NYAP2: variants seen among roughly 807,000 people sequenced by gnomAD.
NYAP2 encodes neuronal tyrosine-phosphorylated phosphoinositide-3-kinase adapter 2.
Under a neutral mutation model 50.4 loss-of-function variants are expected in NYAP2, and 23 were observed. The observed-to-expected ratio is 0.46, with a 90% CI of 0.33 to 0.65. The LOEUF is 0.65. Among genes scored for constraint, NYAP2 ranks in the 30% least tolerant of loss-of-function variants. The pLI, the probability that NYAP2 is intolerant of heterozygous loss-of-function variation, is 0.02. For synonymous variants in NYAP2, 394 were observed against 365.2 expected, an observed-to-expected ratio of 1.08 and a Z score of -0.90; for missense variants, 885 against 861.0, an observed-to-expected ratio of 1.03 and a Z score of -0.35.
At chr2:225,442,732 C>T (rs559489709) in intron 3 of NYAP2, among the ~76,000 whole-genome samples, 4 of 152,166 alleles carry the variant, frequency 2.6e-5, no homozygotes, top group African/African-American at 7.2e-5. Context: ...CACACCACCA[C>T]GCCCAGCTAA....
intron 4 of NYAP2, among the ~76,000 whole-genome samples, chr2:225,533,892 G>T (rs1574662980): frequency 6.6e-6 from 1 of 151,950 alleles, no homozygotes; most frequent in African/African-American, 2.4e-5. Flanking sequence ...ATAAACATTT[G>T]CTATCAGATA....
At chr2:225,407,074 G>A (rs79983485) in intron 2 of NYAP2, among the ~76,000 whole-genome samples, 11 of 151,894 alleles carry the variant, frequency 7.2e-5, no homozygotes, top group Non-Finnish European at 1.0e-4. Context: ...TGCTTAACTT[G>A]GGTAGAATTA....
intron 6 of NYAP2, among the ~76,000 whole-genome samples, chr2:225,634,946 G>T (rs1417598103): frequency 6.6e-6 from 1 of 152,324 alleles, no homozygotes; most frequent in Admixed American, 6.5e-5. Context: ...GAACTCAAAA[G>T]CACAGTCTTT....
intron 4 of NYAP2, among the ~76,000 whole-genome samples, chr2:225,521,592 A>G (rs1378119087): frequency 3.3e-5 from 5 of 151,944 alleles, no homozygotes; most frequent in African/African-American, 7.3e-5. Context: ...ATTTGCGTAT[A>G]TTGAACCAGC....
At chr2:225,643,553 C>T (rs1378755059) in intron 6 of NYAP2, among the ~76,000 whole-genome samples, 2 of 151,894 alleles carry the variant, frequency 1.3e-5, no homozygotes, top group East Asian at 3.9e-4. Context: ...ACTAACTTGT[C>T]ATCTAGCATT....
At chr2:225,624,171 C>T (rs545024410) in intron 5 of NYAP2, among the ~76,000 whole-genome samples, 1 of 152,184 alleles carries the variant, frequency 6.6e-6, no homozygotes, top group African/African-American at 2.4e-5. Flanking sequence ...GGGCAGAGAT[C>T]TCTGAGCCTT....
intron 4 of NYAP2, among the ~76,000 whole-genome samples, chr2:225,557,451 T>G (rs2106213590): frequency 6.6e-6 from 1 of 152,272 alleles, no homozygotes; most frequent in Admixed American, 6.5e-5. Context: ...TGTATGTATG[T>G]TTTTCCAGGA....
At chr2:225,470,581 C>T (rs1689997187) in intron 3 of NYAP2, among the ~76,000 whole-genome samples, 2 of 152,098 alleles carry the variant, frequency 1.3e-5, no homozygotes, top group South Asian at 2.1e-4. Context: ...ATAAAAACAT[C>T]ATAGGGGGAA....
chr2:225,535,796 A>G (rs551886009), intron 4 of NYAP2, among the ~76,000 whole-genome samples: 2 of 152,318 alleles, frequency 1.3e-5, no homozygotes, highest in South Asian at 4.1e-4. Context: ...ACAGTTGGTA[A>G]ATAGTGAGAA....
At chr2:225,502,842 A>G (rs964997510) in intron 3 of NYAP2, among the ~76,000 whole-genome samples, 1 of 152,224 alleles carries the variant, frequency 6.6e-6, no homozygotes, top group African/African-American at 2.4e-5. Flanking sequence ...ATAGGGGTTC[A>G]AGAGCCAGTG....
intron 3 of NYAP2, among the ~76,000 whole-genome samples, chr2:225,440,244 T>C (rs1162123126): frequency 6.6e-6 from 1 of 152,224 alleles, no homozygotes; most frequent in East Asian, 1.9e-4. Flanking sequence ...AGATGCTAAT[T>C]CCACCTTCAG....
chr2:225,437,613 C>T (rs906359880), intron 3 of NYAP2, among the ~76,000 whole-genome samples: 5 of 152,192 alleles, frequency 3.3e-5, no homozygotes, highest in African/African-American at 1.2e-4. Context: ...GGGCACCTCT[C>T]CACCACCATG....
chr2:225,432,144 ATTTTTT>A (rs751205603), intron 3 of NYAP2, among the ~76,000 whole-genome samples: 3 of 119,522 alleles, frequency 2.5e-5, no homozygotes, highest in African/African-American at 9.9e-5. Context: ...CGCCCGCCTA[ATTTTTT>A]TTTTTTTTTT....
chr2:225,696,236 A>G, the NYAP2 span, among the ~76,000 whole-genome samples: 2 of 151,956 alleles, frequency 1.3e-5, no homozygotes, highest in Non-Finnish European at 2.9e-5. Context: ...AGTTTCTTAA[A>G]CTTTCTGAGA....
chr2:225,398,799 A>G (rs778236122), upstream of NYAP2, among the ~76,000 whole-genome samples: 1 of 152,090 alleles, frequency 6.6e-6, no homozygotes, highest in Admixed American at 6.6e-5. Flanking sequence ...AAAGCTAGAT[A>G]CACAAAGACC....
rs145986137 is a variant in NYAP2 at position 225,537,469 on chromosome 2, T to C, written c.523+23797T>C. The stretch of plus-strand genomic sequence containing the variant: ...CAGAAGGTGAAAGGCATGTCTCACT[T>C]GGTGGCAGATAAGACAAGAGAGTTT... On this transcript the variant is annotated intron_variant, in intron 4 of 6. Transcript: ENST00000636099. Among the ~76,000 whole-genome samples, 285 of 152,306 alleles carry C rather than the reference T, an allele frequency of 1.9e-3. 2 individuals are homozygous for C. Among genetic ancestry groups the C allele is most frequent in the Admixed American group, 3.3e-3 (50 of 15,294 alleles).
the NYAP2 span, among the ~76,000 whole-genome samples, chr2:225,679,917 C>T: frequency 3.3e-5 from 5 of 152,010 alleles, no homozygotes; most frequent in African/African-American, 1.2e-4. Context: ...AACTTTCTGC[C>T]CTTTACCACC....
rs1219280064 is a variant in NYAP2 at position 225,401,013 on chromosome 2, CA to C, written c.-47del. ...GACACAAGTCACCTTCTGGTTATTG[CA>C]CTTAGCTCTCCCTGGGGACTTAAAT... On this transcript the variant is annotated 5_prime_UTR_variant, in exon 2 of 7. It removes the in-frame stop codon of an upstream open reading frame in the 5' UTR. Coordinates refer to ENST00000636099, the Ensembl canonical transcript of NYAP2. 2.0e-5 allele frequency: 3 copies of C among 152,532 alleles called. No individual in the cohort carries two copies. Among genetic ancestry groups the C allele is most frequent in the Admixed American group, 1.3e-4 (2 of 15,244 alleles). The allele number at this position is 152,532 out of a possible 1,614,324, so 9.4% of individuals were successfully genotyped here.
At chr2:225,553,115 T>A (rs1171824104) in intron 4 of NYAP2, among the ~76,000 whole-genome samples, 2 of 152,216 alleles carry the variant, frequency 1.3e-5, no homozygotes, top group African/African-American at 4.8e-5. Context: ...GGAAGGGCCC[T>A]AACAGCAAGG....
Sources: allele counts gnomAD v4.1 joint callset (sites outside exome capture counted in the v4.1 genomes callset), GRCh38; gene constraint gnomAD v4.1.1; transcripts MANE v1.5; gene names NCBI Gene and HGNC (gene_info 2026-07-23, HGNC 2026-07-21).